The following PRKCZ variants were observed in gnomAD, a reference collection of about 807,000 sequenced individuals.
The protein encoded by PRKCZ is protein kinase C zeta type.
In PRKCZ, 33 loss-of-function variants were observed where a neutral mutation model predicts 79.5. The observed-to-expected ratio is 0.41, with a 90% CI of 0.31 to 0.55. The LOEUF is 0.55. Ranked by LOEUF, PRKCZ falls within the 20% of genes least tolerant of loss-of-function variation. PRKCZ has a pLI of 0.19. For missense variants in PRKCZ, 578 were observed against 813.5 expected (o/e 0.71, Z 3.52); for synonymous variants, 342 against 320.9 (o/e 1.07, Z -0.70).
In PRKCZ at chr1:2,144,218, C is replaced by T; in HGVS notation, c.429C>T (p.Tyr143=). The change falls in exon 6 of 18, where the codon TAC becomes TAT. Residue 143 remains tyrosine (Y), a synonymous_variant. Coordinates refer to ENST00000378567, the MANE Select transcript of PRKCZ (RefSeq NM_002744.6). ...TCTGTTCCCACCTGCAGAGAGCGTA[C>T]TGCGGTCAGTGCAGCGAGAGGATAT... ...FQAKRFNRRA[Y]CGQCSERIWG... 2 of 1,552,122 alleles carry T rather than the reference C, an allele frequency of 1.3e-6. No individual in the cohort carries two copies. The highest frequency in any genetic ancestry group is 1.7e-6 in the Non-Finnish European group (2 of 1,147,150).
At chr1:2,176,043 TGAA>T (rs1174890678) in intron 16 of PRKCZ, among the ~76,000 whole-genome samples, 2 of 152,194 alleles carry the variant, frequency 1.3e-5, no homozygotes, top group East Asian at 3.9e-4. Context: ...CGTCGGGTAT[TGAA>T]GGAGAGTGAG....
At position 2,160,238 on chromosome 1, in the gene PRKCZ, C is replaced by CGCGCGTGTGTGT. The variant is rs71578361; in HGVS notation, c.974+4147_974+4148insCGCGTGTGTGTG. On this transcript the variant is annotated intron_variant, in intron 10 of 17. Coordinates refer to ENST00000378567, the MANE Select transcript of PRKCZ (RefSeq NM_002744.6). ...GAAAAGCACTTCACCCAGCAGTGTG[C>CGCGCGTGTGTGT]GTGTGTGTGTGTGTGTGTGTGTGTG... Among the ~76,000 whole-genome samples the CGCGCGTGTGTGT allele has an allele frequency of 8.1e-3, 1,193 of 146,446 alleles. 14 individuals carry two copies. The highest frequency in any genetic ancestry group is 0.028 in the African/African-American group (1,091 of 39,008).
At chr1:2,145,677 G>A (rs915158047) in intron 6 of PRKCZ, among the ~76,000 whole-genome samples, 6 of 152,172 alleles carry the variant, frequency 3.9e-5, no homozygotes, top group Admixed American at 3.9e-4. Context: ...ACTTTGGGAG[G>A]CCAAGGTGGG....
rs1047753626 is a variant in PRKCZ, at chr1:2,116,523, G to A, written c.335-18739G>A. 5.3e-5 allele frequency among the ~76,000 whole-genome samples: 8 copies of A among 152,198 alleles called. No homozygotes were observed. The East Asian group carries it at 7.7e-4, about 15-fold the overall frequency. On this transcript the variant is annotated intron_variant, in intron 4 of 17. Transcript: ENST00000378567. Reference sequence around the variant, plus strand: ...AACAGCTTCTGTCACTCCGCGGCTCGCCTTCCACTCCATGGATGGTGTCTT... The same window carrying A: ...AACAGCTTCTGTCACTCCGCGGCTCACCTTCCACTCCATGGATGGTGTCTT...
intron 4 of PRKCZ, among the ~76,000 whole-genome samples, chr1:2,112,744 C>T (rs1237771676): frequency 6.6e-6 from 1 of 150,916 alleles, no homozygotes; most frequent in Admixed American, 6.6e-5. Context: ...GGCTGGAGTG[C>T]AGTGGCGTGA....
intron 10 of PRKCZ, among the ~76,000 whole-genome samples, chr1:2,164,567 C>G (rs1344159342): frequency 6.6e-6 from 1 of 152,142 alleles, no homozygotes; most frequent in African/African-American, 2.4e-5. Flanking sequence ...GGGCGACAGC[C>G]CTGCTTCTGG....
rs544712565 is a variant in PRKCZ, at chr1:2,072,902, G to A, written c.334+13311G>A. Among the ~76,000 whole-genome samples the A allele has an allele frequency of 5.3e-5, 8 of 152,200 alleles. No individual in the cohort carries two copies. The South Asian group carries it at 8.3e-4, about 16-fold the overall frequency. ...CCCATGTAGGCTCAGCACGAGTGCC[G>A]AGTGCGTTTGGGGAAGTGGGCAGAA... On this transcript the variant is annotated intron_variant, in intron 4 of 17. Transcript: ENST00000378567.
intron 3 of PRKCZ, 125 bp downstream of exon 3, chr1:2,056,698 A>G (rs1375607591): frequency 1.3e-6 from 1 of 793,938 alleles, no homozygotes; most frequent in East Asian, 3.1e-5. Flanking sequence ...AGGGATGTCT[A>G]ATATAATGCC....
chr1:2,113,155 C>A (rs1379415885), intron 4 of PRKCZ, among the ~76,000 whole-genome samples: 1 of 152,248 alleles, frequency 6.6e-6, no homozygotes, highest in East Asian at 1.9e-4. Flanking sequence ...CCAGTCAGGG[C>A]CCCGGGGGAT....
chr1:2,108,999 C>T (rs557561733), intron 4 of PRKCZ, among the ~76,000 whole-genome samples: 142 of 152,332 alleles, frequency 9.3e-4, no homozygotes, highest in Middle Eastern at 6.8e-3. Context: ...ACCCCAGCCT[C>T]TGCCTCCGTC....
chr1:2,053,651 C>T (rs1168154885), intron 1 of PRKCZ, among the ~76,000 whole-genome samples: 2 of 152,152 alleles, frequency 1.3e-5, no homozygotes, highest in African/African-American at 4.8e-5. Context: ...CTAGATTGGC[C>T]GGAAACTGGC....
intron 16 of PRKCZ, among the ~76,000 whole-genome samples, chr1:2,175,738 A>G (rs1685370797): frequency 6.6e-6 from 1 of 151,912 alleles, no homozygotes; most frequent in Non-Finnish European, 1.5e-5. Flanking sequence ...ACCACCCTCC[A>G]GGGCCCCGAG....
intron 4 of PRKCZ, among the ~76,000 whole-genome samples, chr1:2,087,237 C>A (rs1664685810): frequency 6.6e-6 from 1 of 152,080 alleles, no homozygotes; most frequent in South Asian, 2.1e-4. Context: ...CACCCACCAC[C>A]ACACCCAGCT....
chr1:2,169,082 A>C (rs1449895229), intron 10 of PRKCZ: 1 of 452,882 alleles, frequency 2.2e-6, no homozygotes, highest in Non-Finnish European at 4.5e-6. Context: ...GCAGCAATGA[A>C]ATCAGGCCTT....
At chr1:2,070,977 C>T (rs915055823) in intron 4 of PRKCZ, among the ~76,000 whole-genome samples, 4 of 151,464 alleles carry the variant, frequency 2.6e-5, no homozygotes, top group Middle Eastern at 3.2e-3. Context: ...TTGGCCGGGA[C>T]ACCATCCCCA....
rs551602623 is a variant in PRKCZ at position 2,144,910 on chromosome 1, C to T, written c.552+569C>T. On this transcript the variant is annotated intron_variant, in intron 6 of 17. Coordinates refer to ENST00000378567, the MANE Select transcript of PRKCZ (RefSeq NM_002744.6). Reference sequence around the variant, plus strand: ...TGGCCCCCTGCATCCCACTGAACCACGGGGGTGAGGCCTGGACTGAACATT... The same window carrying T: ...TGGCCCCCTGCATCCCACTGAACCATGGGGGTGAGGCCTGGACTGAACATT... The T allele has an allele frequency of 5.8e-5, 9 of 155,384 alleles. No homozygotes were observed. The South Asian group carries it at 7.4e-4, about 13-fold the overall frequency. 9.6% of individuals were successfully genotyped at this position (155,384 alleles called of 1,614,324 possible). A position where few individuals can be genotyped will look rare whatever the true frequency, so the allele number is the denominator to read the frequency against.
intron 5 of PRKCZ, among the ~76,000 whole-genome samples, chr1:2,137,604 C>G (rs768291672): frequency 6.6e-6 from 1 of 152,198 alleles, no homozygotes; most frequent in Non-Finnish European, 1.5e-5. Flanking sequence ...GTATCTGTCT[C>G]TTCTGTCATT....
rs564778926 is a variant in PRKCZ at position 2,171,370 on chromosome 1, A to ATTT, written c.1062-672_1062-670dup. Among the ~76,000 whole-genome samples, 11 of 135,216 alleles carry ATTT rather than the reference A, an allele frequency of 8.1e-5. No individual in the cohort carries two copies. The South Asian group carries it at 2.1e-3, about 26-fold the overall frequency. The allele number at this position is 135,216 out of a possible 152,430, so 88.7% of individuals were successfully genotyped here. A position where few individuals can be genotyped will look rare whatever the true frequency, so the allele number is the denominator to read the frequency against. ...AAAAAAAAAAAAAAGGTCATATTTA[A>ATTT]TTTTTTTTTTTTTTTGATGGAGTCT... On this transcript the variant is annotated intron_variant, in intron 11 of 17. Coordinates refer to ENST00000378567, the MANE Select transcript of PRKCZ (RefSeq NM_002744.6).
intron 4 of PRKCZ, among the ~76,000 whole-genome samples, chr1:2,110,861 C>G (rs1028341030): frequency 2.0e-5 from 3 of 151,854 alleles, no homozygotes; most frequent in Middle Eastern, 3.4e-3. Flanking sequence ...TGACAGTGGA[C>G]TCTGTGGGGC....
Sources: allele counts gnomAD v4.1 joint callset (sites outside exome capture counted in the v4.1 genomes callset), GRCh38; gene constraint gnomAD v4.1.1; transcripts MANE v1.5; gene names NCBI Gene and HGNC (gene_info 2026-07-23, HGNC 2026-07-21).